Variants in BMP6 observed in about 807,000 individuals in gnomAD.
BMP6 encodes bone morphogenetic protein 6.
BMP6 carries 17 observed loss-of-function variants against 54.1 expected under a neutral mutation model. The ratio of observed to expected loss-of-function variants is 0.31; its 90% CI spans 0.22 to 0.47. The LOEUF (loss-of-function observed/expected upper bound fraction) is 0.47, where lower values mean the gene tolerates loss of function less well. Ranked by LOEUF, BMP6 falls within the 20% of genes least tolerant of loss-of-function variation. The pLI is 1.00. For missense variants in BMP6, 720 were observed against 690.4 expected (o/e 1.04, Z -0.48); for synonymous variants, 328 against 291.2 (o/e 1.13, Z -1.28).
At chr6:7,820,638 G>A (rs1372905990) in intron 1 of BMP6, among the ~76,000 whole-genome samples, 3 of 152,168 alleles carry the variant, frequency 2.0e-5, no homozygotes, top group Admixed American at 1.3e-4. Context: ...CTCATTCCCC[G>A]AGGCAGGTGA....
intron 1 of BMP6, among the ~76,000 whole-genome samples, chr6:7,827,549 T>A (rs1178954405): frequency 1.3e-5 from 2 of 152,212 alleles, no homozygotes; most frequent in African/African-American, 4.8e-5. Flanking sequence ...TCCAGCCCAG[T>A]ATTTCCTAAA....
chr6:7,831,937 A>G (rs1421200349), intron 1 of BMP6, among the ~76,000 whole-genome samples: 1 of 152,216 alleles, frequency 6.6e-6, no homozygotes, highest in Non-Finnish European at 1.5e-5. Context: ...TGCATTCAAC[A>G]CACATTCTTG....
chr6:7,756,837 C>T (rs1757521569), intron 1 of BMP6, among the ~76,000 whole-genome samples: 1 of 152,190 alleles, frequency 6.6e-6, no homozygotes, highest in Non-Finnish European at 1.5e-5. Flanking sequence ...TATGAGGTGA[C>T]TACATTCTGG....
At chr6:7,876,647 CTG>C (rs1413910970) in intron 4 of BMP6, among the ~76,000 whole-genome samples, 2 of 152,210 alleles carry the variant, frequency 1.3e-5, no homozygotes, top group Admixed American at 1.3e-4. Context: ...TATAACTAAT[CTG>C]TTAAGTAATC....
At chr6:7,855,696 A>AT (rs1331887270) in intron 2 of BMP6, among the ~76,000 whole-genome samples, 1 of 150,300 alleles carries the variant, frequency 6.7e-6, no homozygotes, top group African/African-American at 2.4e-5. Context: ...GCCCAGCTAA[A>AT]TTTTTTATTT....
intron 4 of BMP6, among the ~76,000 whole-genome samples, chr6:7,864,434 C>T (rs1054226732): frequency 6.6e-6 from 1 of 152,066 alleles, no homozygotes; most frequent in Non-Finnish European, 1.5e-5. Flanking sequence ...TATTTATATG[C>T]CATTGTAGGA....
At chr6:7,827,462 T>G (rs1178239805) in intron 1 of BMP6, among the ~76,000 whole-genome samples, 10 of 152,190 alleles carry the variant, frequency 6.6e-5, no homozygotes, top group Admixed American at 6.5e-4. Flanking sequence ...TGAGAAACCT[T>G]TGGCTGGTCA....
intron 4 of BMP6, among the ~76,000 whole-genome samples, chr6:7,878,660 A>G (rs1471693161): frequency 8.5e-6 from 1 of 117,876 alleles, no homozygotes; most frequent in Non-Finnish European, 1.7e-5. Context: ...GCCCCTGTGC[A>G]GTTTCAAAAT....
intron 4 of BMP6, among the ~76,000 whole-genome samples, chr6:7,863,962 G>A (rs1407751892): frequency 6.6e-6 from 1 of 150,988 alleles, no homozygotes; most frequent in East Asian, 1.9e-4. Context: ...GGAGGTTGCA[G>A]TGAGCCAAGA....
At chr6:7,876,649 G>A (rs919890176) in intron 4 of BMP6, among the ~76,000 whole-genome samples, 1 of 152,172 alleles carries the variant, frequency 6.6e-6, no homozygotes, top group African/African-American at 2.4e-5. Context: ...TAACTAATCT[G>A]TTAAGTAATC....
intron 1 of BMP6, among the ~76,000 whole-genome samples, chr6:7,813,142 T>TATATAC (rs1758464401): frequency 2.2e-5 from 2 of 92,220 alleles, no homozygotes; most frequent in South Asian, 8.3e-4. Context: ...TATATATATA[T>TATATAC]ATATATAAAA....
chr6:7,859,866 AGAC>A (rs1315438202), intron 2 of BMP6, among the ~76,000 whole-genome samples: 1 of 152,150 alleles, frequency 6.6e-6, no homozygotes, highest in African/African-American at 2.4e-5. Flanking sequence ...TACTTGGGAA[AGAC>A]GACAATAGAG....
chr6:7,838,888 G>A (rs1221734010), intron 1 of BMP6, among the ~76,000 whole-genome samples: 4 of 147,808 alleles, frequency 2.7e-5, no homozygotes, highest in African/African-American at 5.1e-5. Flanking sequence ...TTTGCAGTGA[G>A]CCGAGATCGC....
chr6:7,870,035 CAAG>C (rs1461299873), intron 4 of BMP6, among the ~76,000 whole-genome samples: 2 of 152,152 alleles, frequency 1.3e-5, no homozygotes, highest in Non-Finnish European at 2.9e-5. Context: ...GTCTCAAGGA[CAAG>C]AAGACTCCAT....
At chr6:7,747,376 G>T (rs571568621) in intron 1 of BMP6, among the ~76,000 whole-genome samples, 14 of 152,336 alleles carry the variant, frequency 9.2e-5, no homozygotes, top group African/African-American at 2.4e-4. Flanking sequence ...AGAGGGATTT[G>T]ATGGAAGAAG....
rs749324117 is a variant in BMP6, at chr6:7,727,379, G to A, written c.424G>A (p.Ala142Thr). ...CCTCTTCATGCTGGATCTGTACAAC[G>A]CCCTGTCCGCCGACAACGACGAGGA... Reference protein sequence around the residue: ...APLFMLDLYNALSADNDEDGA... With the variant: ...APLFMLDLYNTLSADNDEDGA... The change falls in exon 1 of 7, where the codon GCC becomes ACC. Residue 142 changes from alanine (A) to threonine (T), a missense_variant. Physicochemically the swap from Ala to Thr is moderately conservative, Grantham distance 58. Coordinates refer to ENST00000283147, the MANE Select transcript of BMP6 (RefSeq NM_001718.6). The A allele has an allele frequency of 7.5e-6, 12 of 1,608,476 alleles. No homozygotes were observed. The highest frequency in any genetic ancestry group is 5.4e-5 in the African/African-American group (4 of 74,604).
intron 2 of BMP6, among the ~76,000 whole-genome samples, chr6:7,847,702 T>C (rs1759087372): frequency 6.6e-6 from 1 of 152,250 alleles, no homozygotes; most frequent in East Asian, 1.9e-4. Context: ...AGCCTTCTGA[T>C]ATTAAAGACA....
chr6:7,727,334 G>C lies in BMP6; in HGVS notation c.379G>C (p.Gly127Arg), dbSNP rs1308178321. The change falls in exon 1 of 7, where the codon GGG (glycine) becomes CGG (arginine). Residue 127 changes from glycine to arginine, a missense_variant. By Grantham distance (125) the Gly-to-Arg change is moderately radical (BLOSUM62 -2). Around this residue, in one of 3 missense-constraint regions of BMP6, gnomAD observed 650 missense variants for 556.3 expected, o/e 1.17. Coordinates refer to ENST00000283147, the MANE Select transcript of BMP6 (RefSeq NM_001718.6). ...QQLPRGEPPP[G>R]RLKSAPLFML... ...GCTGCCTCGCGGAGAGCCCCCTCCC[G>C]GGCGACTGAAGTCCGCGCCCCTCTT... The C allele has an allele frequency of 1.9e-6, 3 of 1,609,448 alleles. No individual in the cohort carries two copies. Among genetic ancestry groups the C allele is most frequent in the South Asian group, 2.2e-5 (2 of 90,778 alleles).
At chr6:7,735,959 A>T (rs1344082744) in intron 1 of BMP6, among the ~76,000 whole-genome samples, 1 of 152,236 alleles carries the variant, frequency 6.6e-6, no homozygotes, top group Non-Finnish European at 1.5e-5. Flanking sequence ...CAAAATACGC[A>T]GAGTTCGGGG....
Sources: gnomAD v4.1 joint callset for allele counts (sites outside exome capture counted in the v4.1 genomes callset) on GRCh38, gnomAD v4.1.1 for gene constraint, gnomAD v4.1.1 regional missense constraint, MANE v1.5 for transcripts, NCBI Gene and HGNC (gene_info 2026-07-23, HGNC 2026-07-21) for gene names.